The following TSPAN10 variants were observed in gnomAD, a reference collection of about 807,000 sequenced individuals.
TSPAN10 encodes tetraspanin 10.
In TSPAN10, 11 loss-of-function variants were observed where a neutral mutation model predicts 15.0. The observed-to-expected ratio is 0.73, with a 90% CI of 0.46 to 1.21. The LOEUF (loss-of-function observed/expected upper bound fraction) is 1.21, where lower values mean the gene tolerates loss of function less well. Ranked by LOEUF, TSPAN10 falls within the 50% of genes most tolerant of loss-of-function variation. The pLI, the probability that TSPAN10 is intolerant of heterozygous loss-of-function variation, is 0.00. For missense variants in TSPAN10, 486 were observed against 470.6 expected (o/e 1.03, Z -0.30); for synonymous variants, 241 against 226.2 (o/e 1.07, Z -0.59).
chr17:81,637,674 C>T (rs893516698), upstream of TSPAN10: 1 of 320,058 alleles, frequency 3.1e-6, no homozygotes, highest in African/African-American at 2.2e-5. Context: ...TGGCTCACGC[C>T]TGTAATCCCA....
downstream of TSPAN10, chr17:81,648,324 G>A (rs2036288416): frequency 1.7e-6 from 2 of 1,202,658 alleles, no homozygotes; most frequent in Non-Finnish European, 2.1e-6. Flanking sequence ...AGACCGCCAC[G>A]CACAGGGATA....
At chr17:81,640,515 C>G (rs1423443286), upstream of TSPAN10, among the ~76,000 whole-genome samples, 1 of 152,148 alleles carries the variant, frequency 6.6e-6, no homozygotes, top group Non-Finnish European at 1.5e-5. Context: ...GCGGCACCAT[C>G]TCGGCTCACT....
At chr17:81,644,485 T>A (rs557437983) in intron 1 of TSPAN10, among the ~76,000 whole-genome samples, 195 of 152,296 alleles carry the variant, frequency 1.3e-3, no homozygotes, top group African/African-American at 4.5e-3. Flanking sequence ...AGGGCAGCCA[T>A]GTGGGCCAGC....
intron 2 of TSPAN10, 137 bp downstream of exon 3, chr17:81,645,766 T>C (rs2036244585): frequency 1.8e-6 from 2 of 1,120,268 alleles, no homozygotes; most frequent in Non-Finnish European, 2.6e-6. Flanking sequence ...TATACCCACA[T>C]GTACACGCAT....
At chr17:81,641,481 GC>G (rs1467730073), upstream of TSPAN10, among the ~76,000 whole-genome samples, 1 of 151,180 alleles carries the variant, frequency 6.6e-6, no homozygotes, top group Non-Finnish European at 1.5e-5. Flanking sequence ...GCCCCACACA[GC>G]CAGGTGACCT....
At chr17:81,642,496 C>T (rs1778983685) in intron 1 of TSPAN10, 48 bp downstream of exon 2, 1 of 1,567,824 alleles carries the variant, frequency 6.4e-7, no homozygotes. Flanking sequence ...ATGTCCCCAG[C>T]CCTGAAGTCC....
At chr17:81,645,422 G>A (rs993694347) in exon 2 of TSPAN10, 1 of 1,602,594 alleles carries the variant, frequency 6.2e-7, no homozygotes, top group African/African-American at 1.3e-5. Context: ...TTCTCTGGGG[G>A]CATCCTTGCC....
intron 1 of TSPAN10, among the ~76,000 whole-genome samples, chr17:81,644,489 G>T (rs1216025788): frequency 1.3e-5 from 2 of 152,196 alleles, no homozygotes; most frequent in Non-Finnish European, 2.9e-5. Context: ...CAGCCATGTG[G>T]GCCAGCCCCT....
At chr17:81,637,249 A>G (rs1182843299) in exon 1 of TSPAN10, 5 of 513,970 alleles carry the variant, frequency 9.7e-6, no homozygotes, top group African/African-American at 2.0e-5. Context: ...TGCGTCTGAG[A>G]TTACTTCTGC....
upstream of TSPAN10, among the ~76,000 whole-genome samples, chr17:81,642,079 G>A (rs951560261): frequency 2.8e-5 from 3 of 108,200 alleles, no homozygotes; most frequent in African/African-American, 1.3e-4. Flanking sequence ...CGCATGGGGG[G>A]CTGCAGTGAG....
chr17:81,647,663 C>T, intron 2 of TSPAN10: 2 of 649,204 alleles, frequency 3.1e-6, no homozygotes, highest in Non-Finnish European at 5.6e-6. Flanking sequence ...TCAACACAGC[C>T]ACCACCCCTA....
intron 1 of TSPAN10, among the ~76,000 whole-genome samples, chr17:81,642,657 G>A (rs1296043548): frequency 2.6e-5 from 4 of 152,166 alleles, no homozygotes; most frequent in African/African-American, 9.7e-5. Context: ...GCTGGCCTCT[G>A]GTCAAGGGAT....
chr17:81,642,240 T>A (rs1456954534), upstream of TSPAN10: 6 of 606,548 alleles, frequency 9.9e-6, no homozygotes, highest in East Asian at 1.8e-4. Flanking sequence ...GACTCAACTG[T>A]GACTCCGGCA....
At chr17:81,640,442 G>A (rs1408327043), upstream of TSPAN10, among the ~76,000 whole-genome samples, 5 of 151,762 alleles carry the variant, frequency 3.3e-5, no homozygotes, top group South Asian at 4.2e-4. Flanking sequence ...TAGGGCCCAC[G>A]CTAATGGCAC....
Position 81,645,105 on chromosome 17 carries a change from G to A in TSPAN10, c.150G>A (p.Pro50=), listed in dbSNP as rs373056344. The A allele has an allele frequency of 5.2e-5, 83 of 1,588,962 alleles. 1 individual carries two copies. The highest frequency in any genetic ancestry group is 3.4e-4 in the East Asian group (15 of 44,526). The change falls in exon 2 of 3, where the codon CCG becomes CCA. Residue 50 remains proline (P), a synonymous_variant. Transcript: ENST00000611590. ...CCTGGGGCTGCAGCTGCTGTCCCCC[G>A]GAGACCAAGCACCAGGCCTTGAGTG...
At chr17:81,648,406 G>A, downstream of TSPAN10, 1 of 1,036,700 alleles carries the variant, frequency 9.6e-7, no homozygotes, top group Non-Finnish European at 1.2e-6. Flanking sequence ...CTCGGGCTTC[G>A]GGTGACTTCG....
intron 2 of TSPAN10, chr17:81,645,956 G>A: frequency 2.2e-6 from 1 of 452,042 alleles, no homozygotes; most frequent in Non-Finnish European, 4.0e-6. Context: ...GTATAGGGGT[G>A]CTTGCCTCTC....
intron 2 of TSPAN10, chr17:81,647,667 A>G (rs1293914320): frequency 3.1e-6 from 2 of 645,174 alleles, no homozygotes; most frequent in South Asian, 1.8e-5. Flanking sequence ...CACAGCCACC[A>G]CCCCTACCTG....
exon 2 of TSPAN10, chr17:81,644,998 G>A: frequency 6.2e-7 from 1 of 1,610,776 alleles, no homozygotes; most frequent in South Asian, 1.1e-5. Flanking sequence ...GCAGGAAACT[G>A]CAGGCCAGAA....
Sources: gnomAD v4.1 joint callset for allele counts (sites outside exome capture counted in the v4.1 genomes callset) on GRCh38, gnomAD v4.1.1 for gene constraint, MANE v1.5 for transcripts, NCBI Gene and HGNC (gene_info 2026-07-23, HGNC 2026-07-21) for gene names.